ABHD1: variants seen among roughly 807,000 people sequenced by gnomAD.
ABHD1 encodes abhydrolase domain containing 1, also known as protein ABHD1.
In ABHD1, 47 loss-of-function variants were observed where a neutral mutation model predicts 41.4. The ratio of observed to expected loss-of-function variants is 1.13; its 90% CI spans 0.90 to 1.45. ABHD1 has a LOEUF of 1.45. Ranked by LOEUF, ABHD1 falls within the 40% of genes most tolerant of loss-of-function variation. The probability of loss-of-function intolerance (pLI) is 0.00; values close to 1 mark genes in which losing one functional copy is unlikely to be tolerated. For missense variants in ABHD1, 550 were observed against 503.4 expected (o/e 1.09, Z -0.89); for synonymous variants, 205 against 203.7 (o/e 1.01, Z -0.05).
rs1192291200 is a variant in ABHD1 at position 27,129,605 on chromosome 2, C to T, written c.596C>T (p.Ala199Val). The T allele has an allele frequency of 2.5e-6, 4 of 1,613,212 alleles. No individual in the cohort carries two copies. Among genetic ancestry groups the T allele is most frequent in the East Asian group, 2.2e-5 (1 of 44,904 alleles). ...CGTTATCCCCAAGCTCCACTGCTGGCCGTGGGCATCTCTTTTGGAGGGTAA... is the reference window on the plus strand; with the variant it reads ...CGTTATCCCCAAGCTCCACTGCTGGTCGTGGGCATCTCTTTTGGAGGGTAA... ...KHRYPQAPLL[A>V]VGISFGGILV... Residue 199 changes from alanine to valine, a missense_variant, in exon 5 of 9, where the codon GCC (alanine) becomes GTC (valine). By Grantham distance (64) the Ala-to-Val change is moderately conservative. Transcript: ENST00000316470.
chr2:27,130,182 C>T (rs1457490731), intron 7 of ABHD1, 29 bp downstream of exon 7: 1 of 1,614,026 alleles, frequency 6.2e-7, no homozygotes, highest in African/African-American at 1.3e-5. Flanking sequence ...CCCCTGGTTC[C>T]CCCAAATGAG....
chr2:27,130,000 T>C, intron 6 of ABHD1, 73 bp downstream of exon 6: 1 of 1,610,506 alleles, frequency 6.2e-7, no homozygotes, highest in Admixed American at 1.7e-5. Flanking sequence ...TCCTAGTGCT[T>C]GGTCAGTTCT....
In ABHD1 at chr2:27,129,136, G is replaced by T; in HGVS notation, c.458+9G>T. On this transcript the variant is annotated intron_variant, in intron 3 of 8. Coordinates refer to ENST00000316470, the MANE Select transcript of ABHD1 (RefSeq NM_032604.4). ...CTGAGGGATGGCTACCAGTAAGGAT[G>T]GGTGCAGCCCCAGAGTGGGGTGGCA... The T allele has an allele frequency of 6.2e-7, 1 of 1,611,432 alleles. No individual in the cohort carries two copies. Among genetic ancestry groups the T allele is most frequent in the Non-Finnish European group, 8.5e-7 (1 of 1,178,840 alleles).
chr2:27,128,917 C>G, intron 2 of ABHD1, 28 bp from the exon 3 acceptor site: 1 of 1,606,550 alleles, frequency 6.2e-7, no homozygotes, highest in East Asian at 2.2e-5. Flanking sequence ...TTAATAGTAT[C>G]TTTGTGTGCC....
At chr2:27,125,414 C>T (rs887413807) in intron 1 of ABHD1, 1 of 152,172 alleles carries the variant, frequency 6.6e-6, no homozygotes, top group Non-Finnish European at 1.5e-5. Context: ...GATTGGCCAG[C>T]ACTGTAATGG....
rs1201140210 is a variant in ABHD1, at chr2:27,130,365, A to T, written c.955A>T (p.Ile319Phe). The T allele has an allele frequency of 1.2e-6, 2 of 1,614,144 alleles. No homozygotes were observed. Among genetic ancestry groups the T allele is most frequent in the Non-Finnish European group, 1.7e-6 (2 of 1,180,032 alleles). Residue 319 changes from isoleucine (I) to phenylalanine (F), a missense_variant, in exon 8 of 9, where the codon ATC (isoleucine) becomes TTC (phenylalanine). Transcript: ENST00000316470. The stretch of plus-strand genomic sequence containing the variant: ...TAGAACCAAGATAGATGCCATCCGG[A>T]TCCCTGTGCTCTATCTCAGTGCAGC... ...SPRTKIDAIR[I>F]PVLYLSAADD...
Position 27,130,028 on chromosome 2 carries a change from CAT to C in ABHD1, c.792-76_792-75del, listed in dbSNP as rs982755297. 3.9e-5 allele frequency: 62 copies of C among 1,610,374 alleles called. No individual in the cohort carries two copies. The East Asian group carries it at 4.7e-4, about 12-fold the overall frequency. On this transcript the variant is annotated intron_variant, in intron 6 of 8. Transcript: ENST00000316470. ...TCAGTTCTCTCTGGGCTTCCTCACA[CAT>C]GAGATAGTAAGACAGGGCCTGGGGG...
chr2:27,124,333 G>C (rs1195129490), intron 1 of ABHD1: 5 of 551,838 alleles, frequency 9.1e-6, no homozygotes, highest in Non-Finnish European at 1.7e-5. Context: ...GCATCCTGAG[G>C]TATCAGAGAT....
rs773332171 is a variant in ABHD1 at position 27,129,336 on chromosome 2, G to A, written c.479G>A (p.Arg160Gln). 34 of 1,614,016 alleles carry A rather than the reference G, an allele frequency of 2.1e-5. No homozygotes were observed. The highest frequency in any genetic ancestry group is 4.5e-5 in the East Asian group (2 of 44,902). Reference protein sequence around the residue: ...DGYQAVVFNNRGCRGEELRTH... With the variant: ...DGYQAVVFNNQGCRGEELRTH... Reference sequence around the variant, plus strand: ...CACAGGGCTGTCGTGTTTAACAACCGGGGCTGCCGTGGGGAGGAACTGCGG... The same window carrying A: ...CACAGGGCTGTCGTGTTTAACAACCAGGGCTGCCGTGGGGAGGAACTGCGG... Residue 160 changes from arginine to glutamine, a missense_variant, in exon 4 of 9, where the codon CGG (arginine) becomes CAG (glutamine). Physicochemically the swap from Arg to Gln is conservative, Grantham distance 43. Coordinates refer to ENST00000316470, the MANE Select transcript of ABHD1 (RefSeq NM_032604.4).
rs747053287 is a variant in ABHD1, at chr2:27,129,761, G to C, written c.625G>C (p.Val209Leu). Residue 209 changes from valine to leucine, a missense_variant, in exon 6 of 9, where the codon GTG becomes CTG. Coordinates refer to ENST00000316470, the MANE Select transcript of ABHD1 (RefSeq NM_032604.4). ...AVGISFGGIL[V>L]LNHLAQARQA... is the part of the protein sequence containing the mutation. ...CCTTGTCCAATTCCACAGGATACTG[G>C]TGCTGAATCACCTGGCACAGGCCAG... is the stretch of plus-strand genomic sequence containing the variant. The C allele has an allele frequency of 6.2e-7, 1 of 1,614,028 alleles. No individual in the cohort carries two copies. The highest frequency in any genetic ancestry group is 1.3e-5 in the African/African-American group (1 of 75,046).
rs1251828945 is a variant in ABHD1, at chr2:27,128,422, G to C, written c.115-19G>C. Reference sequence around the variant, plus strand: ...GTGCAAAAGTCAGGGAAGTGGGGCAGACTGCTGTGTGATTACAGAGGCCTC... The same window carrying C: ...GTGCAAAAGTCAGGGAAGTGGGGCACACTGCTGTGTGATTACAGAGGCCTC... On this transcript the variant is annotated intron_variant, in intron 1 of 8. Transcript: ENST00000316470. 1 of 1,613,510 alleles carries C rather than the reference G, an allele frequency of 6.2e-7. No homozygotes were observed. Among genetic ancestry groups the C allele is most frequent in the South Asian group, 1.1e-5 (1 of 91,066 alleles).
At position 27,130,604 on chromosome 2, in the gene ABHD1, G is replaced by T. The variant is rs747796638; in HGVS notation, c.1078G>T (p.Gly360Cys). Residue 360 changes from glycine (G) to cysteine (C), a missense_variant, in exon 9 of 9, where the codon GGC (glycine) becomes TGC (cysteine). Transcript: ENST00000316470. ...LLITARGGHI[G>C]FLEGLLPWQH... ...CATCACAGCCCGGGGTGGCCACATCGGCTTCCTGGAAGGGCTGCTCCCGTG... is the reference window on the plus strand; with the variant it reads ...CATCACAGCCCGGGGTGGCCACATCTGCTTCCTGGAAGGGCTGCTCCCGTG... 2 of 1,614,142 alleles carry T rather than the reference G, an allele frequency of 1.2e-6. No individual in the cohort carries two copies. The highest frequency in any genetic ancestry group is 2.2e-5 in the East Asian group (1 of 44,878).
intron 1 of ABHD1, among the ~76,000 whole-genome samples, chr2:27,128,166 C>A (rs1295387430): frequency 6.6e-6 from 1 of 152,182 alleles, no homozygotes; most frequent in African/African-American, 2.4e-5. Flanking sequence ...ATAGGCTGAG[C>A]AGGAAAGTCA....
At chr2:27,129,274 G>C in intron 3 of ABHD1, 42 bp from the exon 4 acceptor site, 3 of 1,612,886 alleles carry the variant, frequency 1.9e-6, no homozygotes, top group Non-Finnish European at 2.5e-6. Flanking sequence ...GGGGAGAGGG[G>C]CTAAGAAGGG....
At chr2:27,130,472 G>A (rs909784700) in intron 8 of ABHD1, 56 bp downstream of exon 8, 46 of 1,611,554 alleles carry the variant, frequency 2.9e-5, no homozygotes, top group African/African-American at 6.7e-5. Context: ...CATGAGGGAC[G>A]CAACAGACAG....
chr2:27,128,835 A>C, intron 2 of ABHD1, 110 bp from the exon 3 acceptor site: 3 of 1,335,436 alleles, frequency 2.2e-6, no homozygotes, highest in Non-Finnish European at 3.1e-6. Flanking sequence ...CCCTCAGATG[A>C]TGCTGACGGG....
intron 4 of ABHD1, 70 bp downstream of exon 4, chr2:27,129,431 C>A (rs1672125695): frequency 6.2e-7 from 1 of 1,611,696 alleles, no homozygotes; most frequent in Non-Finnish European, 8.5e-7. Context: ...CTGGGGCTCA[C>A]CTCCTACCTA....
At chr2:27,124,188 C>G (rs950168073) in intron 1 of ABHD1, 126 bp downstream of exon 1, 2 of 860,690 alleles carry the variant, frequency 2.3e-6, no homozygotes, top group Non-Finnish European at 3.9e-6. Flanking sequence ...TTGCTACCAC[C>G]GAATGGAGAG....
intron 1 of ABHD1, chr2:27,126,929 A>C (rs1289563480): frequency 8.0e-6 from 1 of 124,394 alleles, no homozygotes; most frequent in African/African-American, 3.0e-5. Context: ...GTGAAACCCC[A>C]TCTTTACTAA....
Sources: gnomAD v4.1 joint callset for allele counts (sites outside exome capture counted in the v4.1 genomes callset) on GRCh38, gnomAD v4.1.1 for gene constraint, MANE v1.5 for transcripts, NCBI Gene and HGNC (gene_info 2026-07-23, HGNC 2026-07-21) for gene names.